Variants in EPS8 observed in about 807,000 individuals in gnomAD.
EPS8 encodes EGFR pathway substrate 8, signaling adaptor.
A neutral mutation model predicts 103.8 loss-of-function variants in EPS8; 42 were observed. The observed-to-expected ratio is 0.40, with a 90% CI of 0.32 to 0.52. EPS8 has a LOEUF of 0.52. Among genes scored for constraint, EPS8 ranks in the 20% least tolerant of loss-of-function variants. The probability of loss-of-function intolerance (pLI) is 0.40; values close to 1 mark genes in which losing one functional copy is unlikely to be tolerated. For synonymous variants in EPS8, 344 were observed against 344.6 expected (o/e 1.00, Z 0.02); for missense variants, 969 against 1,005.1 (o/e 0.96, Z 0.49).
At position 15,653,697 on chromosome 12, in the gene EPS8, T is replaced by C. The variant is rs112775210; in HGVS notation, c.1250+448A>G. 8.6e-4 allele frequency among the ~76,000 whole-genome samples: 131 copies of C among 152,346 alleles called. 1 individual carries two copies. Among genetic ancestry groups the C allele is most frequent in the African/African-American group, 3.1e-3 (129 of 41,588 alleles). On this transcript the variant is annotated intron_variant, in intron 13 of 20. Transcript: ENST00000281172. Reference sequence around the variant, plus strand: ...TCTGTCACTTACAAGTTGTGTGGCCTTGGGCAAATTACTTATCCTCTCTGT... The same window carrying C: ...TCTGTCACTTACAAGTTGTGTGGCCCTGGGCAAATTACTTATCCTCTCTGT...
At chr12:15,732,763 T>G in intron 1 of EPS8, 1 of 982,778 alleles carries the variant, frequency 1.0e-6, no homozygotes. Context: ...AGATTACTCA[T>G]AGTTTGGAGG....
intron 15 of EPS8, among the ~76,000 whole-genome samples, chr12:15,646,861 A>G (rs1186607726): frequency 6.6e-6 from 1 of 152,254 alleles, no homozygotes; most frequent in Non-Finnish European, 1.5e-5. Flanking sequence ...CTTTCTTCTT[A>G]ATGTACACAT....
chr12:15,638,990 A>G (rs188593305), intron 17 of EPS8, among the ~76,000 whole-genome samples: 16 of 152,366 alleles, frequency 1.1e-4, no homozygotes, highest in Admixed American at 8.5e-4. Context: ...TTCCTATTAT[A>G]GAATTCATAC....
At chr12:15,669,856 T>C (rs1565491128) in intron 4 of EPS8, 31 bp from the exon 5 acceptor site, 1 of 1,547,146 alleles carries the variant, frequency 6.5e-7, no homozygotes, top group Admixed American at 2.0e-5. Flanking sequence ...AAAAGATTTA[T>C]AACACATACA....
rs1947039690 is a variant in EPS8 at position 15,761,374 on chromosome 12, G to C, written c.-22+27787C>G. Among the ~76,000 whole-genome samples, 1 of 151,996 alleles carries C rather than the reference G, an allele frequency of 6.6e-6. No homozygotes were observed. The highest frequency in any genetic ancestry group is 1.5e-5 in the Non-Finnish European group (1 of 67,982). On this transcript the variant is annotated intron_variant, in intron 1 of 20. Coordinates refer to ENST00000281172, the MANE Select transcript of EPS8 (RefSeq NM_004447.6). This position sits in a 1 kb window ranked among gnomAD's most constrained non-coding sequence, Gnocchi z 4.5. ...TCCATACTTCCCAAAGCAATCTACAGATTCAATGAAATCCCTGTCAAAATA... is the reference window on the plus strand; with the variant it reads ...TCCATACTTCCCAAAGCAATCTACACATTCAATGAAATCCCTGTCAAAATA...
In EPS8 at chr12:15,717,311, G is replaced by C. The variant is rs1946543016; in HGVS notation, c.-21-34339C>G. 6.6e-6 allele frequency among the ~76,000 whole-genome samples: 1 copy of C among 152,214 alleles called. No homozygotes were observed. The highest frequency in any genetic ancestry group is 2.4e-5 in the African/African-American group (1 of 41,458). On this transcript the variant is annotated intron_variant, in intron 1 of 20. Transcript: ENST00000281172. This position sits in a 1 kb window ranked among gnomAD's most constrained non-coding sequence, Gnocchi z 4.3. ...AGAAAAAACAAAAAAAGGGAGCCAG[G>C]CACAGTGGTTCACACCTGTAATCCT... is the stretch of plus-strand genomic sequence containing the variant.
Position 15,777,811 on chromosome 12 carries a change from T to C in EPS8, c.-22+11350A>G, listed in dbSNP as rs561331487. On this transcript the variant is annotated intron_variant, in intron 1 of 20. Coordinates refer to ENST00000281172, the MANE Select transcript of EPS8 (RefSeq NM_004447.6). The surrounding 1 kb of genome is among the most constrained non-coding windows in gnomAD (Gnocchi z 4.7). The stretch of plus-strand genomic sequence containing the variant: ...AGGGGGTGATGAAGGAAAGCCCACA[T>C]GGTTATTTATCTGCTTCAAGAGTTG... Among the ~76,000 whole-genome samples the C allele has an allele frequency of 1.3e-5, 2 of 152,182 alleles. No homozygotes were observed. Among genetic ancestry groups the C allele is most frequent in the Admixed American group, 1.3e-4 (2 of 15,276 alleles).
In EPS8 at chr12:15,698,808, C is replaced by A. The variant is rs1158327445; in HGVS notation, c.-21-15836G>T. ...CAACTGCCTCTGTTGAAACCTCAGG[C>A]AAGGTCAGTTTTGCCAAGAGCCACA... On this transcript the variant is annotated intron_variant, in intron 1 of 20. Transcript: ENST00000281172. This position sits in a 1 kb window ranked among gnomAD's most constrained non-coding sequence, Gnocchi z 4.9. Among the ~76,000 whole-genome samples, 1 of 152,096 alleles carries A rather than the reference C, an allele frequency of 6.6e-6. No homozygotes were observed. The highest frequency in any genetic ancestry group is 2.4e-5 in the African/African-American group (1 of 41,402).
At position 15,697,291 on chromosome 12, in the gene EPS8, C is replaced by G. The variant is rs76175623; in HGVS notation, c.-21-14319G>C. ...ACTTACATGGCATAACTGCTGTCCC[C>G]CATTCTAAGCCAAATGGTGGTACAA... On this transcript the variant is annotated intron_variant, in intron 1 of 20. Coordinates refer to ENST00000281172, the MANE Select transcript of EPS8 (RefSeq NM_004447.6). The surrounding 1 kb of genome is among the most constrained non-coding windows in gnomAD (Gnocchi z 5.6). 6.6e-3 allele frequency among the ~76,000 whole-genome samples: 1,000 copies of G among 152,324 alleles called. 17 individuals are homozygous for G. The highest frequency in any genetic ancestry group is 0.023 in the African/African-American group (951 of 41,568).
Position 15,762,572 on chromosome 12 carries a change from G to C in EPS8, c.-22+26589C>G, listed in dbSNP as rs374840775. ...ACAGATGAATGGATAAAGTAAATGT[G>C]GTACTTATACACAATGGAGTACTAT... is the stretch of plus-strand genomic sequence containing the variant. On this transcript the variant is annotated intron_variant, in intron 1 of 20. Transcript: ENST00000281172. The surrounding 1 kb of genome is among the most constrained non-coding windows in gnomAD (Gnocchi z 4.8). Among the ~76,000 whole-genome samples, 4 of 152,068 alleles carry C rather than the reference G, an allele frequency of 2.6e-5. No individual in the cohort carries two copies. The East Asian group carries it at 7.7e-4, about 29-fold the overall frequency.
In EPS8 at chr12:15,647,328, A is replaced by T. The variant is rs975026139; in HGVS notation, c.1435-68T>A. 5.1e-6 allele frequency: 7 copies of T among 1,380,228 alleles called. No homozygotes were observed. In the Admixed American group the frequency reaches 1.0e-4, roughly 20 times the overall value. The allele number at this position is 1,380,228 out of a possible 1,614,324, so 85.5% of individuals were successfully genotyped here. ...ATTTGAATCAGCACTCAGGTCAGTC[A>T]ACAAGATCTCTCAACTATATTGTGA... On this transcript the variant is annotated intron_variant, in intron 14 of 20. Transcript: ENST00000281172.
intron 3 of EPS8, among the ~76,000 whole-genome samples, chr12:15,680,017 T>G (rs941519882): frequency 1.1e-4 from 16 of 152,100 alleles, no homozygotes; most frequent in African/African-American, 3.9e-4. Flanking sequence ...GACAAAATAT[T>G]TATTGAATAC....
chr12:15,755,323 A>T (rs1269189098), intron 1 of EPS8, among the ~76,000 whole-genome samples: 1 of 152,124 alleles, frequency 6.6e-6, no homozygotes, highest in Non-Finnish European at 1.5e-5. Context: ...CTATATATTC[A>T]ACAGATTAAA....
intron 1 of EPS8, among the ~76,000 whole-genome samples, chr12:15,710,441 T>C (rs546089897): frequency 5.3e-4 from 80 of 152,344 alleles, no homozygotes; most frequent in South Asian, 1.4e-3. Context: ...TAAGACAAGC[T>C]TAAGAAACTC....
chr12:15,658,677 T>C, intron 10 of EPS8, 92 bp from the exon 11 acceptor site: 1 of 848,424 alleles, frequency 1.2e-6, no homozygotes, highest in South Asian at 1.4e-5. Context: ...TCTGTAAAGT[T>C]TGAAGATCTC....
At position 15,767,634 on chromosome 12, in the gene EPS8, T is replaced by C. The variant is rs1289556912; in HGVS notation, c.-22+21527A>G. ...TTTCCAATACATTAAAAAAGGCTTA[T>C]ATTCACCCACCTCTCTCAACACTAA... On this transcript the variant is annotated intron_variant, in intron 1 of 20. Transcript: ENST00000281172. The surrounding 1 kb of genome is among the most constrained non-coding windows in gnomAD (Gnocchi z 5.5). 6.6e-6 allele frequency among the ~76,000 whole-genome samples: 1 copy of C among 152,158 alleles called. No homozygotes were observed. The highest frequency in any genetic ancestry group is 1.5e-5 in the Non-Finnish European group (1 of 68,024).
At chr12:15,723,061 T>C (rs1456806407) in intron 1 of EPS8, among the ~76,000 whole-genome samples, 2 of 149,068 alleles carry the variant, frequency 1.3e-5, no homozygotes. Flanking sequence ...GGGTGGCTCA[T>C]GTCTATAATC....
chr12:15,641,020 AC>A (rs1306070101), intron 16 of EPS8, among the ~76,000 whole-genome samples, 174 bp from the exon 17 acceptor site: 1 of 149,140 alleles, frequency 6.7e-6, no homozygotes, highest in African/African-American at 2.6e-5. Flanking sequence ...TTATGAGTAT[AC>A]AGTAGGTAAG....
At chr12:15,726,331 C>T (rs2135985438) in intron 1 of EPS8, among the ~76,000 whole-genome samples, 1 of 151,980 alleles carries the variant, frequency 6.6e-6, no homozygotes, top group Admixed American at 6.6e-5. Context: ...CTGGAAATCT[C>T]AGACTCATCT....
Sources: gnomAD v4.1 joint callset for allele counts (sites outside exome capture counted in the v4.1 genomes callset) on GRCh38, gnomAD v4.1.1 for gene constraint, Gnocchi (gnomAD v3.1) non-coding constraint, MANE v1.5 for transcripts, NCBI Gene and HGNC (gene_info 2026-07-23, HGNC 2026-07-21) for gene names.